RSPO2: variants seen among roughly 807,000 people sequenced by gnomAD.
The protein encoded by RSPO2 is R-spondin-2.
RSPO2 carries 14 observed loss-of-function variants against 30.9 expected under a neutral mutation model. The ratio of observed to expected loss-of-function variants is 0.45; its 90% CI spans 0.30 to 0.71. The LOEUF (loss-of-function observed/expected upper bound fraction) is 0.71, where lower values mean the gene tolerates loss of function less well. RSPO2 is among the 30% of genes least tolerant of loss of function. The pLI, the probability that RSPO2 is intolerant of heterozygous loss-of-function variation, is 0.08. For synonymous variants in RSPO2, 107 were observed against 96.4 expected, an observed-to-expected ratio of 1.11 and a Z score of -0.64; for missense variants, 264 against 301.9, an observed-to-expected ratio of 0.87 and a Z score of 0.93.
chr8:108,002,553 G>A (rs747577998), intron 2 of RSPO2, among the ~76,000 whole-genome samples: 13 of 152,046 alleles, frequency 8.6e-5, no homozygotes, highest in Non-Finnish European at 1.6e-4. Context: ...AATTCTCACC[G>A]TGTTTAAGTT....
At chr8:108,034,475 T>G (rs1187886873) in intron 2 of RSPO2, among the ~76,000 whole-genome samples, 1 of 152,186 alleles carries the variant, frequency 6.6e-6, no homozygotes, top group East Asian at 1.9e-4. Flanking sequence ...ATAAAGTACA[T>G]GATATCAGAG....
At chr8:107,990,210 A>G (rs188712285) in intron 2 of RSPO2, among the ~76,000 whole-genome samples, 2 of 152,294 alleles carry the variant, frequency 1.3e-5, no homozygotes, top group East Asian at 1.9e-4. Context: ...CTTTTAAATA[A>G]CTGTAGCACA....
In RSPO2 at chr8:108,082,634, T is replaced by C; in HGVS notation, c.5A>G (p.Gln2Arg). 1 of 1,613,954 alleles carries C rather than the reference T, an allele frequency of 6.2e-7. No homozygotes were observed. Among genetic ancestry groups the C allele is most frequent in the Non-Finnish European group, 8.5e-7 (1 of 1,179,884 alleles). ...GAGGGCAAAGGAGAAAAGGCGAAAC[T>C]GCATCTGGGCGGTCGGGCGGGGGAG... Reference protein sequence around the residue: MQFRLFSFALII... With the variant: MRFRLFSFALII... The change falls in exon 2 of 6, where the codon CAG (glutamine) becomes CGG (arginine). Residue 2 changes from glutamine (Q) to arginine (R), a missense_variant. Physicochemically the swap from Gln to Arg is conservative, Grantham distance 43. Coordinates refer to ENST00000276659, the MANE Select transcript of RSPO2 (RefSeq NM_178565.5).
chr8:107,901,142 C>CTTTTCT lies in RSPO2; in HGVS notation c.659_664dup (p.Lys220_Lys221dup), dbSNP rs1563741192. On this transcript the variant is annotated inframe_insertion, in exon 6 of 6. Transcript: ENST00000276659. Reference sequence around the variant, plus strand: ...CTCCTGGGCCCTTTCTATCAGCTTCCTTTTCTTTTTCTTGTTCCTCTTCTC... The same window carrying CTTTTCT: ...CTCCTGGGCCCTTTCTATCAGCTTCCTTTTCTTTTTCTTTTTCTTGTTCCTCTTCTC... 6.2e-7 allele frequency: 1 copy of CTTTTCT among 1,614,000 alleles called. No homozygotes were observed.
intron 3 of RSPO2, among the ~76,000 whole-genome samples, chr8:107,961,858 G>C (rs973433895): frequency 6.6e-6 from 1 of 152,160 alleles, no homozygotes; most frequent in Non-Finnish European, 1.5e-5. Context: ...ATAAAAAGAA[G>C]CAATAATTTA....
At chr8:107,974,738 A>C (rs1814150000) in intron 3 of RSPO2, among the ~76,000 whole-genome samples, 3 of 152,132 alleles carry the variant, frequency 2.0e-5, no homozygotes, top group Non-Finnish European at 4.4e-5. Flanking sequence ...GGGAAGAAGA[A>C]GAAAATATAA....
At chr8:107,979,935 T>C (rs1365921605) in intron 3 of RSPO2, among the ~76,000 whole-genome samples, 4 of 152,236 alleles carry the variant, frequency 2.6e-5, no homozygotes, top group African/African-American at 9.6e-5. Flanking sequence ...GATGACATTC[T>C]ACAACAAGAG....
rs1274275566 is a variant in RSPO2, at chr8:107,909,532, A to AC, written c.617-8343dup. On this transcript the variant is annotated intron_variant, in intron 5 of 5. Coordinates refer to ENST00000276659, the MANE Select transcript of RSPO2 (RefSeq NM_178565.5). ...TGCTGGGATTACAGTACAGGCATGA[A>AC]CCACCATGCCCGGCCACTTTCCCAG... Among the ~76,000 whole-genome samples the AC allele has an allele frequency of 3.3e-5, 5 of 152,058 alleles. No individual in the cohort carries two copies. The East Asian group carries it at 9.7e-4, about 29-fold the overall frequency.
intron 1 of RSPO2, 188 bp from the exon 2 acceptor site, chr8:108,082,995 T>G: frequency 4.1e-6 from 1 of 243,534 alleles, no homozygotes. Context: ...GGAAGGTGAT[T>G]ATAATCAGTG....
chr8:108,062,616 T>TG (rs1489443805), intron 2 of RSPO2, among the ~76,000 whole-genome samples: 1 of 151,842 alleles, frequency 6.6e-6, no homozygotes, highest in African/African-American at 2.4e-5. Context: ...AAGGAGGAGT[T>TG]GGTACCATTC....
At chr8:107,905,079 T>C (rs1428907435) in intron 5 of RSPO2, among the ~76,000 whole-genome samples, 4 of 152,104 alleles carry the variant, frequency 2.6e-5, no homozygotes, top group Non-Finnish European at 4.4e-5. Context: ...ACAAATTACA[T>C]GAAGCGGTGC....
intron 2 of RSPO2, among the ~76,000 whole-genome samples, chr8:107,992,630 A>C (rs1414996057): frequency 6.6e-6 from 1 of 152,234 alleles, no homozygotes; most frequent in Non-Finnish European, 1.5e-5. Flanking sequence ...TAAAGACATG[A>C]GTTCTTAGAT....
chr8:107,981,247 A>T (rs1201492685), intron 3 of RSPO2, among the ~76,000 whole-genome samples: 1 of 152,116 alleles, frequency 6.6e-6, no homozygotes, highest in Non-Finnish European at 1.5e-5. Context: ...GGCTGGGCTC[A>T]GTGGCTCATG....
chr8:108,003,309 ATATTTTTTTTTTTTTT>A (rs1815339417), intron 2 of RSPO2, among the ~76,000 whole-genome samples: 5 of 16,914 alleles, frequency 3.0e-4, no homozygotes, highest in Admixed American at 2.0e-3. Context: ...ATATATATAT[ATATTTTTTTTTTTTTT>A]TTTTTTTTTT....
intron 5 of RSPO2, among the ~76,000 whole-genome samples, chr8:107,951,043 G>GTTTTTTT (rs767290459): frequency 0.12 from 9,782 of 84,062 alleles, 560 homozygotes; most frequent in East Asian, 0.37. Flanking sequence ...GGGAGAATAA[G>GTTTTTTT]TTTTTTTTTG....
Position 108,045,501 on chromosome 8 carries a change from C to T in RSPO2, c.94+37044G>A, listed in dbSNP as rs28401299. 3.8e-3 allele frequency among the ~76,000 whole-genome samples: 584 copies of T among 152,196 alleles called. 2 individuals carry two copies. The highest frequency in any genetic ancestry group is 0.013 in the African/African-American group (551 of 41,542). On this transcript the variant is annotated intron_variant, in intron 2 of 5. Coordinates refer to ENST00000276659, the MANE Select transcript of RSPO2 (RefSeq NM_178565.5). Reference sequence around the variant, plus strand: ...TTAGTCCATGTATTAGACACTTGGGCTCAAAATTCAAACATTCGGAGAACA... The same window carrying T: ...TTAGTCCATGTATTAGACACTTGGGTTCAAAATTCAAACATTCGGAGAACA...
chr8:107,951,043 G>GTTTTTTTTTTTTTT (rs767290459), intron 5 of RSPO2, among the ~76,000 whole-genome samples: 1 of 85,896 alleles, frequency 1.2e-5, no homozygotes, highest in Non-Finnish European at 2.8e-5. Context: ...GGGAGAATAA[G>GTTTTTTTTTTTTTT]TTTTTTTTTG....
chr8:107,924,886 G>T (rs1255684051), intron 5 of RSPO2, among the ~76,000 whole-genome samples: 9 of 151,214 alleles, frequency 6.0e-5, no homozygotes, highest in African/African-American at 1.9e-4. Context: ...GTTTAAATAT[G>T]CATGCAAAAA....
intron 2 of RSPO2, among the ~76,000 whole-genome samples, chr8:108,054,841 G>A (rs1161908235): frequency 6.6e-6 from 1 of 152,172 alleles, no homozygotes; most frequent in Non-Finnish European, 1.5e-5. Flanking sequence ...GGGCTGGGCA[G>A]GGTGGCTCAT....
Sources: allele counts gnomAD v4.1 joint callset (sites outside exome capture counted in the v4.1 genomes callset), GRCh38; gene constraint gnomAD v4.1.1; transcripts MANE v1.5; gene names NCBI Gene and HGNC (gene_info 2026-07-23, HGNC 2026-07-21).